Variants in ENPP3 observed in about 807,000 individuals in gnomAD.
The protein encoded by ENPP3 is ectonucleotide pyrophosphatase/phosphodiesterase 3, also known as ectonucleotide pyrophosphatase/phosphodiesterase family member 3.
In ENPP3, 104 loss-of-function variants were observed where a neutral mutation model predicts 117.8. The observed-to-expected ratio is 0.88, with a 90% CI of 0.75 to 1.04. The LOEUF is 1.04. Ranked by LOEUF, ENPP3 falls within the 50% of genes least tolerant of loss-of-function variation. ENPP3 has a pLI of 0.00. For missense variants in ENPP3, 1,026 were observed against 1,051.9 expected, an observed-to-expected ratio of 0.98 and a Z score of 0.34; for synonymous variants, 380 against 349.9, an observed-to-expected ratio of 1.09 and a Z score of -0.96.
chr6:131,643,943 C>CTG (rs60828787), intron 2 of ENPP3, among the ~76,000 whole-genome samples: 37,636 of 142,898 alleles, frequency 0.26, 4,963 homozygotes, highest in African/African-American at 0.36. Flanking sequence ...GTGTGTGTGT[C>CTG]TGTGTGTGTG....
intron 21 of ENPP3, among the ~76,000 whole-genome samples, chr6:131,734,562 AG>A (rs1455130812): frequency 6.6e-6 from 1 of 152,102 alleles, no homozygotes; most frequent in African/African-American, 2.4e-5. Context: ...AGATACAATC[AG>A]GGGGTACCAA....
intron 5 of ENPP3, 148 bp from the exon 6 acceptor site, chr6:131,658,174 TA>T: frequency 1.7e-6 from 1 of 591,942 alleles, no homozygotes; most frequent in Non-Finnish European, 2.9e-6. Flanking sequence ...AAAAAGAAAT[TA>T]AAAAAATAAA....
intron 15 of ENPP3, among the ~76,000 whole-genome samples, chr6:131,718,297 G>T (rs1230520591): frequency 6.6e-6 from 1 of 152,054 alleles, no homozygotes; most frequent in Non-Finnish European, 1.5e-5. Flanking sequence ...AGTCATTGAT[G>T]TGTAAAGGTA....
Position 131,733,558 on chromosome 6 carries a change from C to T in ENPP3, c.1954-30C>T, listed in dbSNP as rs372658106. The T allele has an allele frequency of 1.3e-5, 20 of 1,596,822 alleles. No individual in the cohort carries two copies. The East Asian group carries it at 1.8e-4, about 14-fold the overall frequency. On this transcript the variant is annotated intron_variant, in intron 20 of 24. Coordinates refer to ENST00000357639, the MANE Select transcript of ENPP3 (RefSeq NM_005021.5). Reference sequence around the variant, plus strand: ...GCAATGGGTGAGCCGCAATTGTGGGCGTAATTTTTTTCTCTCTCTCTTTGA... The same window carrying T: ...GCAATGGGTGAGCCGCAATTGTGGGTGTAATTTTTTTCTCTCTCTCTTTGA...
At chr6:131,745,006 A>G (rs1418821820) in intron 24 of ENPP3, among the ~76,000 whole-genome samples, 1 of 152,182 alleles carries the variant, frequency 6.6e-6, no homozygotes, top group Non-Finnish European at 1.5e-5. Context: ...GCATAAGTAT[A>G]GTTTTGTGTT....
At chr6:131,653,218 C>T (rs1403051673) in intron 5 of ENPP3, among the ~76,000 whole-genome samples, 1 of 152,186 alleles carries the variant, frequency 6.6e-6, no homozygotes, top group Non-Finnish European at 1.5e-5. Flanking sequence ...CAGTCTTGAC[C>T]TCCCAGACAC....
rs766345758 is a variant in ENPP3, at chr6:131,733,591, G to A, written c.1957G>A (p.Asp653Asn). The A allele has an allele frequency of 1.2e-6, 2 of 1,612,186 alleles. No individual in the cohort carries two copies. Among genetic ancestry groups the A allele is most frequent in the Non-Finnish European group, 1.7e-6 (2 of 1,178,616 alleles). The change falls in exon 21 of 25, where the codon GAC (aspartate) becomes AAC (asparagine). Residue 653 changes from aspartate (D) to asparagine (N), a missense_variant. Physicochemically the swap from Asp to Asn is conservative, Grantham distance 23. Transcript: ENST00000357639. ...WSSYTVPQLG[D>N]TSPLPPTVPD... The stretch of plus-strand genomic sequence containing the variant: ...TTTTCTCTCTCTCTTTGAACAGGGA[G>A]ACACATCGCCTCTGCCTCCCACTGT...
chr6:131,718,391 G>T (rs553294485), intron 15 of ENPP3, among the ~76,000 whole-genome samples: 5 of 151,860 alleles, frequency 3.3e-5, no homozygotes, highest in Non-Finnish European at 7.4e-5. Context: ...ATCAGTCAGA[G>T]ACTTTTGAAT....
chr6:131,690,062 G>A (rs906117086), intron 14 of ENPP3, among the ~76,000 whole-genome samples: 5 of 152,140 alleles, frequency 3.3e-5, no homozygotes, highest in African/African-American at 1.2e-4. Flanking sequence ...TAAAGAAAGC[G>A]GTTTCTTGAG....
chr6:131,682,930 AG>A, intron 11 of ENPP3, 123 bp from the exon 12 acceptor site: 2 of 681,628 alleles, frequency 2.9e-6, no homozygotes. Flanking sequence ...CTGGGCTCTG[AG>A]GTTCTGTTTC....
At chr6:131,689,709 T>C (rs1779235994) in intron 14 of ENPP3, among the ~76,000 whole-genome samples, 2 of 152,220 alleles carry the variant, frequency 1.3e-5, no homozygotes, top group Admixed American at 6.5e-5. Flanking sequence ...AGAAATACAT[T>C]TCATAAGACT....
At chr6:131,715,392 C>G (rs2114511278) in intron 15 of ENPP3, among the ~76,000 whole-genome samples, 1 of 134,602 alleles carries the variant, frequency 7.4e-6, no homozygotes, top group South Asian at 2.3e-4. Flanking sequence ...TGCAGAGATC[C>G]TTGTGCAAGG....
chr6:131,699,299 A>G (rs1425534422), intron 15 of ENPP3, among the ~76,000 whole-genome samples: 1 of 150,536 alleles, frequency 6.6e-6, no homozygotes, highest in Non-Finnish European at 1.5e-5. Context: ...CTAACATGAT[A>G]TGACACTGAG....
intron 17 of ENPP3, 23 bp from the exon 18 acceptor site, chr6:131,722,204 G>C (rs762096006): frequency 6.3e-7 from 1 of 1,590,800 alleles, no homozygotes; most frequent in Non-Finnish European, 8.6e-7. Context: ...AAGCTACTTT[G>C]AACTAATTTT....
intron 15 of ENPP3, among the ~76,000 whole-genome samples, chr6:131,701,884 G>GAAAAAAAAAAAA (rs1170025527): frequency 8.5e-4 from 82 of 96,336 alleles, no homozygotes; most frequent in South Asian, 2.5e-3. Flanking sequence ...TCTGTCTCCA[G>GAAAAAAAAAAAA]AAAAAAAAAA....
chr6:131,694,661 A>C (rs955636955), intron 15 of ENPP3, among the ~76,000 whole-genome samples: 1 of 152,016 alleles, frequency 6.6e-6, no homozygotes, highest in African/African-American at 2.4e-5. Flanking sequence ...GTGAAGAAAA[A>C]TACAAAAAAT....
chr6:131,734,081 C>G (rs1780344532), intron 21 of ENPP3, among the ~76,000 whole-genome samples: 2 of 151,968 alleles, frequency 1.3e-5, no homozygotes, highest in Admixed American at 1.3e-4. Flanking sequence ...CAGCTGTGCC[C>G]GTGAAAAGAA....
intron 20 of ENPP3, among the ~76,000 whole-genome samples, chr6:131,727,845 A>T (rs1392112505): frequency 1.3e-5 from 2 of 152,242 alleles, no homozygotes; most frequent in Non-Finnish European, 2.9e-5. Context: ...ACAAACTTAT[A>T]GCTATTAATG....
intron 6 of ENPP3, among the ~76,000 whole-genome samples, chr6:131,667,070 C>A (rs1472877917): frequency 6.6e-6 from 1 of 152,136 alleles, no homozygotes; most frequent in Admixed American, 6.6e-5. Context: ...ATGTCTTGTC[C>A]AATTCTTTCT....
Sources: gnomAD v4.1 joint callset for allele counts (sites outside exome capture counted in the v4.1 genomes callset) on GRCh38, gnomAD v4.1.1 for gene constraint, MANE v1.5 for transcripts, NCBI Gene and HGNC (gene_info 2026-07-23, HGNC 2026-07-21) for gene names.